The following MYLK4 variants were observed in gnomAD, a reference collection of about 807,000 sequenced individuals.
The protein encoded by MYLK4 is myosin light chain kinase family member 4.
MYLK4 carries 46 observed loss-of-function variants against 48.1 expected under a neutral mutation model. The ratio of observed to expected loss-of-function variants is 0.96; its 90% CI spans 0.75 to 1.22. The LOEUF (loss-of-function observed/expected upper bound fraction) is 1.22. Ranked by LOEUF, MYLK4 falls within the 50% of genes most tolerant of loss-of-function variation. The pLI is 0.00. For synonymous variants in MYLK4, 170 were observed against 180.8 expected (o/e 0.94, Z 0.48); for missense variants, 451 against 486.1 (o/e 0.93, Z 0.68).
At position 2,679,359 on chromosome 6, in the gene MYLK4, G is replaced by C; in HGVS notation, c.808C>G (p.Leu270Val). 6.2e-7 allele frequency: 1 copy of C among 1,614,180 alleles called. No individual in the cohort carries two copies. The highest frequency in any genetic ancestry group is 8.5e-7 in the Non-Finnish European group (1 of 1,180,024). Reference protein sequence around the residue: ...LKVNFGTPEFLAPEVVNYDFV... With the variant: ...LKVNFGTPEFVAPEVVNYDFV... ...TCATAGTTCACAACTTCAGGGGCGA[G>C]AAATTCTGGGGTTCCAAAGTTCACC... Residue 270 changes from leucine to valine, a missense_variant, in exon 9 of 13, where the codon CTC becomes GTC. Leu to Val is a conservative substitution (Grantham distance 32). Transcript: ENST00000274643.
At chr6:2,722,704 GA>G (rs1467510028) in intron 2 of MYLK4, among the ~76,000 whole-genome samples, 2 of 152,144 alleles carry the variant, frequency 1.3e-5, no homozygotes, top group Non-Finnish European at 2.9e-5. Context: ...TAAAGGAAAT[GA>G]AAATGTTTAC....
In MYLK4 at chr6:2,680,225, T is replaced by C. The variant is rs762703990; in HGVS notation, c.754A>G (p.Arg252Gly). ...CCTATGTCCAAATAGACATACCTTC[T>C]GGCCAATCCAAAATCAATAATTTTT... ...QIKIIDFGLA[R>G]RYKPREKLKV... Residue 252 changes from arginine to glycine, a missense_variant, in exon 8 of 13, where the codon AGA (arginine) becomes GGA (glycine). Coordinates refer to ENST00000274643, the MANE Select transcript of MYLK4 (RefSeq NM_001012418.5). 8 of 1,614,104 alleles carry C rather than the reference T, an allele frequency of 5.0e-6. No homozygotes were observed. The South Asian group carries it at 8.8e-5, about 18-fold the overall frequency.
chr6:2,689,089 T>A, intron 3 of MYLK4, 133 bp from the exon 4 acceptor site: 1 of 675,886 alleles, frequency 1.5e-6, no homozygotes, highest in Non-Finnish European at 2.6e-6. Context: ...TGATTCCTAA[T>A]GATCCAGGGA....
At chr6:2,684,019 T>C (rs1305076078) in intron 6 of MYLK4, among the ~76,000 whole-genome samples, 3 of 152,148 alleles carry the variant, frequency 2.0e-5, no homozygotes, top group Non-Finnish European at 4.4e-5. Flanking sequence ...TTATTTCCTA[T>C]AGACATATAA....
At chr6:2,762,805 A>T in the MYLK4 span, among the ~76,000 whole-genome samples, 1 of 152,148 alleles carries the variant, frequency 6.6e-6, no homozygotes, top group African/African-American at 2.4e-5. Flanking sequence ...ACCTTCCCGG[A>T]GACCGTTAGA....
chr6:2,694,688 T>C (rs1363671739), intron 2 of MYLK4, among the ~76,000 whole-genome samples: 1 of 120,038 alleles, frequency 8.3e-6, no homozygotes. Flanking sequence ...CTACCATGTA[T>C]TGTGCACACA....
chr6:2,697,255 A>T (rs573636008), intron 2 of MYLK4, among the ~76,000 whole-genome samples: 2 of 152,370 alleles, frequency 1.3e-5, no homozygotes, highest in East Asian at 1.9e-4. Flanking sequence ...TTGGAGCAGG[A>T]TCATTCTAAT....
intron 2 of MYLK4, among the ~76,000 whole-genome samples, chr6:2,733,458 C>T (rs891255793): frequency 8.5e-5 from 13 of 152,076 alleles, no homozygotes; most frequent in African/African-American, 3.1e-4. Context: ...ATGGTATCAG[C>T]CAAAATGAGC....
intron 2 of MYLK4, among the ~76,000 whole-genome samples, chr6:2,706,994 G>A (rs780616591): frequency 6.6e-6 from 1 of 152,188 alleles, no homozygotes. Context: ...CTTTCTCAAA[G>A]TGCTTAATGA....
rs1225793136 is a variant in MYLK4 at position 2,678,381 on chromosome 6, C to T, written c.888-9G>A. 2 of 1,613,502 alleles carry T rather than the reference C, an allele frequency of 1.2e-6. No individual in the cohort carries two copies. The highest frequency in any genetic ancestry group is 3.3e-5 in the Admixed American group (2 of 60,004). On this transcript the variant is annotated splice_polypyrimidine_tract_variant and intron_variant, in intron 9 of 12. Transcript: ENST00000274643. The stretch of plus-strand genomic sequence containing the variant: ...GCGACAAACCGCTAAGTCTGGAGGA[C>T]ACGGGGTCCAGAGTGAGTATTTTTT...
intron 2 of MYLK4, among the ~76,000 whole-genome samples, chr6:2,733,858 T>C (rs1426907931): frequency 6.6e-6 from 1 of 152,098 alleles, no homozygotes; most frequent in Non-Finnish European, 1.5e-5. Context: ...GCTGCTTTGG[T>C]GGCACTAGGG....
intron 8 of MYLK4, 86 bp downstream of exon 8, chr6:2,680,135 G>T: frequency 1.4e-6 from 2 of 1,415,976 alleles, no homozygotes; most frequent in South Asian, 2.7e-5. Context: ...TGAAACCAAA[G>T]AGCAGATCAG....
chr6:2,721,890 A>G (rs1763081923), intron 2 of MYLK4, among the ~76,000 whole-genome samples: 1 of 152,264 alleles, frequency 6.6e-6, no homozygotes, highest in Non-Finnish European at 1.5e-5. Flanking sequence ...AACAAAGTCA[A>G]ACTATCAATG....
Position 2,673,446 on chromosome 6 carries a change from A to T in MYLK4, c.1119+1601T>A, listed in dbSNP as rs1311727368. On this transcript the variant is annotated intron_variant, in intron 11 of 12. Coordinates refer to ENST00000274643, the MANE Select transcript of MYLK4 (RefSeq NM_001012418.5). The surrounding 1 kb of genome is among the most constrained non-coding windows in gnomAD (Gnocchi z 4.2). ...TGTGGAAAAAGTGAGTACCTAAGGC[A>T]TAGTCATTCCAAGGTTTGTTGGTCA... 6.6e-6 allele frequency among the ~76,000 whole-genome samples: 1 copy of T among 152,246 alleles called. No homozygotes were observed. Among genetic ancestry groups the T allele is most frequent in the Non-Finnish European group, 1.5e-5 (1 of 68,042 alleles).
intron 3 of MYLK4, among the ~76,000 whole-genome samples, chr6:2,690,288 C>T (rs893686796): frequency 2.0e-5 from 3 of 151,612 alleles, no homozygotes; most frequent in African/African-American, 4.9e-5. Context: ...GTCTACTCTG[C>T]GCCTTTTGCT....
chr6:2,676,158 T>A (rs1046502555), intron 10 of MYLK4, among the ~76,000 whole-genome samples: 19 of 151,954 alleles, frequency 1.3e-4, no homozygotes, highest in African/African-American at 4.6e-4. Flanking sequence ...TGTAACAATC[T>A]GAAGTCAAAG....
At position 2,730,513 on chromosome 6, in the gene MYLK4, G is replaced by T. The variant is rs1763441579; in HGVS notation, c.159+18623C>A. Among the ~76,000 whole-genome samples the T allele has an allele frequency of 2.6e-5, 4 of 152,256 alleles. No individual in the cohort carries two copies. In the South Asian group the frequency reaches 8.3e-4, roughly 32 times the overall value. On this transcript the variant is annotated intron_variant, in intron 2 of 12. Coordinates refer to ENST00000274643, the MANE Select transcript of MYLK4 (RefSeq NM_001012418.5). ...CATTCACTTAACAGGCGAATTTCCA[G>T]GCAACATTCTCTTACTCAGCACTTT...
chr6:2,740,088 T>C (rs548003266), intron 2 of MYLK4, among the ~76,000 whole-genome samples: 1 of 152,232 alleles, frequency 6.6e-6, no homozygotes, highest in Non-Finnish European at 1.5e-5. Flanking sequence ...GCAAGCTAGG[T>C]GCCCACCATG....
intron 3 of MYLK4, among the ~76,000 whole-genome samples, chr6:2,690,348 G>T (rs1278079328): frequency 6.6e-6 from 1 of 152,078 alleles, no homozygotes; most frequent in African/African-American, 2.4e-5. Flanking sequence ...ACTGCTGCCC[G>T]GGCACTCTGT....
Sources: gnomAD v4.1 joint callset for allele counts (sites outside exome capture counted in the v4.1 genomes callset) on GRCh38, gnomAD v4.1.1 for gene constraint, Gnocchi (gnomAD v3.1) non-coding constraint, MANE v1.5 for transcripts, NCBI Gene and HGNC (gene_info 2026-07-23, HGNC 2026-07-21) for gene names.